Variants in ATP10A observed in about 807,000 individuals in gnomAD.
The protein encoded by ATP10A is ATPase phospholipid transporting 10A (putative), also known as phospholipid-transporting ATPase VA.
A neutral mutation model predicts 147.8 loss-of-function variants in ATP10A; 111 were observed. The observed-to-expected ratio is 0.75, with a 90% confidence interval of 0.64 to 0.88. The LOEUF is 0.88. ATP10A is among the 40% of genes least tolerant of loss of function. The pLI is 0.00. For missense variants in ATP10A, 1,927 were observed against 1,959.0 expected (o/e 0.98, Z 0.31); for synonymous variants, 875 against 841.6 (o/e 1.04, Z -0.69).
Position 25,740,922 on chromosome 15 carries a change from C to T in ATP10A, c.655-4781G>A, listed in dbSNP as rs149910501. Among the ~76,000 whole-genome samples the T allele has an allele frequency of 6.9e-4, 105 of 152,364 alleles. No homozygotes were observed. In the East Asian group the frequency reaches 0.017, roughly 25 times the overall value. ...TCCCTCCCAGCACCCATTCCTGCCACGCAGGGAACCCTGAGGAAGCCCAAA... is the reference window on the plus strand; with the variant it reads ...TCCCTCCCAGCACCCATTCCTGCCATGCAGGGAACCCTGAGGAAGCCCAAA... On this transcript the variant is annotated intron_variant, in intron 2 of 20. Coordinates refer to ENST00000555815, the MANE Select transcript of ATP10A (RefSeq NM_024490.4).
intron 15 of ATP10A, among the ~76,000 whole-genome samples, chr15:25,689,207 G>A (rs1239130684): frequency 2.6e-5 from 4 of 152,336 alleles, no homozygotes; most frequent in East Asian, 1.9e-4. Flanking sequence ...TTGTCCTTCC[G>A]TCAAAGTGGC....
At chr15:25,744,347 T>A (rs185175629) in intron 2 of ATP10A, among the ~76,000 whole-genome samples, 13 of 152,278 alleles carry the variant, frequency 8.5e-5, no homozygotes, top group African/African-American at 3.1e-4. Flanking sequence ...TGTGTGCACA[T>A]GTATGTGTGT....
downstream of ATP10A, among the ~76,000 whole-genome samples, chr15:25,674,296 C>T (rs1465369572): frequency 1.3e-5 from 2 of 152,180 alleles, no homozygotes; most frequent in Admixed American, 1.3e-4. Context: ...TCTTGTACCC[C>T]AAAGGCCTGA....
At chr15:25,746,185 G>A (rs1887836276) in intron 2 of ATP10A, among the ~76,000 whole-genome samples, 1 of 152,000 alleles carries the variant, frequency 6.6e-6, no homozygotes, top group African/African-American at 2.4e-5. Context: ...AAATGGCAAA[G>A]AGTAACAAAA....
chr15:25,848,127 GTTT>G (rs66727128), intron 1 of ATP10A, among the ~76,000 whole-genome samples: 2 of 148,532 alleles, frequency 1.3e-5, no homozygotes, highest in South Asian at 2.1e-4. Flanking sequence ...TCTAAAAAGT[GTTT>G]TTTTTTTTTA....
At chr15:25,731,201 C>A (rs1003321980) in intron 3 of ATP10A, among the ~76,000 whole-genome samples, 4 of 152,228 alleles carry the variant, frequency 2.6e-5, no homozygotes, top group African/African-American at 7.2e-5. Flanking sequence ...AGGTCAGAAG[C>A]CTGCTCTGTG....
intron 1 of ATP10A, among the ~76,000 whole-genome samples, chr15:25,833,909 T>C (rs921594947): frequency 1.3e-5 from 2 of 152,074 alleles, no homozygotes; most frequent in African/African-American, 4.8e-5. Flanking sequence ...GAGGCGGAGC[T>C]TGCAGTGAGC....
At position 25,847,609 on chromosome 15, in the gene ATP10A, C is replaced by CTTTTTTTTTTTTTTTTTTT. The variant is rs34212354; in HGVS notation, c.449+15020_449+15038dup. On this transcript the variant is annotated intron_variant, in intron 1 of 20. Transcript: ENST00000555815. ...CCTAGCTAATTCAAACAGCTACAGC[C>CTTTTTTTTTTTTTTTTTTT]TTTTTTTTTTTTTTTTTTTTTTTTT... Among the ~76,000 whole-genome samples, 2 of 40,738 alleles carry CTTTTTTTTTTTTTTTTTTT rather than the reference C, an allele frequency of 4.9e-5. 1 individual carries two copies. Among genetic ancestry groups the CTTTTTTTTTTTTTTTTTTT allele is most frequent in the Non-Finnish European group, 1.0e-4 (2 of 19,914 alleles). 26.7% of individuals were successfully genotyped at this position (40,738 alleles called of 152,430 possible).
Position 25,693,446 on chromosome 15 carries a change from G to A in ATP10A, c.3088+1373C>T, listed in dbSNP as rs577904280. 3.9e-4 allele frequency among the ~76,000 whole-genome samples: 59 copies of A among 152,334 alleles called. 3 individuals are homozygous for A. Among genetic ancestry groups the A allele is most frequent in the South Asian group, 4.1e-4 (2 of 4,826 alleles). Reference sequence around the variant, plus strand: ...TTCTTCAGGAATACCAGACACCAGTGGCTACGCGGCTGAGGCAGGCACTGG... The same window carrying A: ...TTCTTCAGGAATACCAGACACCAGTAGCTACGCGGCTGAGGCAGGCACTGG... On this transcript the variant is annotated intron_variant, in intron 14 of 20. Coordinates refer to ENST00000555815, the MANE Select transcript of ATP10A (RefSeq NM_024490.4).
intron 7 of ATP10A, 147 bp from the exon 8 acceptor site, chr15:25,718,546 C>G: frequency 2.6e-6 from 2 of 770,322 alleles, no homozygotes; most frequent in Non-Finnish European, 4.2e-6. Context: ...TAGCAAGGCA[C>G]GGAGAACATC....
intron 1 of ATP10A, among the ~76,000 whole-genome samples, chr15:25,792,873 CTT>C (rs56011953): frequency 4.2e-4 from 57 of 134,156 alleles, no homozygotes; most frequent in Admixed American, 7.7e-4. Flanking sequence ...CCTTTTCAAT[CTT>C]TTTTTTTTTT....
At chr15:25,691,668 G>T in intron 15 of ATP10A, 47 bp downstream of exon 15, 1 of 1,593,692 alleles carries the variant, frequency 6.3e-7, no homozygotes, top group Non-Finnish European at 8.6e-7. Flanking sequence ...AGGACAAGAG[G>T]TCAGTAGGGC....
chr15:25,708,355 C>T (rs1901178687), intron 10 of ATP10A, 55 bp from the exon 11 acceptor site: 1 of 1,476,406 alleles, frequency 6.8e-7, no homozygotes, highest in Non-Finnish European at 9.5e-7. Context: ...GTGGAATGGT[C>T]TTCAGACACT....
chr15:25,821,718 T>A (rs1891898692), intron 1 of ATP10A, among the ~76,000 whole-genome samples: 1 of 152,186 alleles, frequency 6.6e-6, no homozygotes, highest in Non-Finnish European at 1.5e-5. Flanking sequence ...AACATTGTAG[T>A]CTTTAGAAAT....
intron 1 of ATP10A, among the ~76,000 whole-genome samples, chr15:25,851,216 A>G: frequency 6.6e-6 from 1 of 152,130 alleles, no homozygotes; most frequent in East Asian, 1.9e-4. Context: ...GAGCGGATCT[A>G]AAGTTCCCTA....
chr15:25,788,732 C>T (rs1890280344), intron 1 of ATP10A, among the ~76,000 whole-genome samples: 1 of 152,160 alleles, frequency 6.6e-6, no homozygotes, highest in Admixed American at 6.5e-5. Flanking sequence ...GGTAAGATTG[C>T]TTACAGGATT....
At chr15:25,833,752 G>A (rs543763251) in intron 1 of ATP10A, among the ~76,000 whole-genome samples, 4 of 152,198 alleles carry the variant, frequency 2.6e-5, no homozygotes, top group South Asian at 2.1e-4. Flanking sequence ...AGGCTGAGGC[G>A]GACAGATCAC....
chr15:25,680,740 A>G, intron 19 of ATP10A, 70 bp downstream of exon 19: 3 of 1,421,184 alleles, frequency 2.1e-6, no homozygotes, highest in Non-Finnish European at 3.0e-6. Flanking sequence ...GACCTCATGA[A>G]TCTGCAGGGA....
chr15:25,797,145 G>A (rs1890708735), intron 1 of ATP10A, among the ~76,000 whole-genome samples: 1 of 151,808 alleles, frequency 6.6e-6, no homozygotes, highest in Admixed American at 6.6e-5. Context: ...CCAACCTCTG[G>A]TAACCCCCAT....
Sources: gnomAD v4.1 joint callset for allele counts (sites outside exome capture counted in the v4.1 genomes callset) on GRCh38, gnomAD v4.1.1 for gene constraint, MANE v1.5 for transcripts, NCBI Gene and HGNC (gene_info 2026-07-23, HGNC 2026-07-21) for gene names.